SLF1: variants seen among roughly 807,000 people sequenced by gnomAD.
The protein encoded by SLF1 is SMC5/6 complex localization factor 1.
Under a neutral mutation model 123.0 loss-of-function variants are expected in SLF1, and 105 were observed. That is an observed-to-expected ratio of 0.85 (90% CI 0.73 to 1.00). The LOEUF is 1.00. SLF1 is among the 50% of genes least tolerant of loss of function. SLF1 has a pLI of 0.00. For synonymous variants in SLF1, 434 were observed against 406.6 expected, an observed-to-expected ratio of 1.07 and a Z score of -0.81; for missense variants, 1,239 against 1,223.0, an observed-to-expected ratio of 1.01 and a Z score of -0.20.
chr5:94,621,557 G>A (rs753443499), intron 1 of SLF1, among the ~76,000 whole-genome samples: 3 of 152,232 alleles, frequency 2.0e-5, no homozygotes, highest in Middle Eastern at 3.4e-3. Flanking sequence ...ATGGCTAACC[G>A]ATATCTACTG....
chr5:94,688,855 G>T (rs1309173493), intron 17 of SLF1, among the ~76,000 whole-genome samples, 186 bp downstream of exon 17: 1 of 152,136 alleles, frequency 6.6e-6, no homozygotes, highest in Non-Finnish European at 1.5e-5. Context: ...CTTTCTAAGT[G>T]CTTCCCAAAA....
chr5:94,621,957 T>C (rs1791835603), intron 1 of SLF1, among the ~76,000 whole-genome samples: 1 of 151,656 alleles, frequency 6.6e-6, no homozygotes, highest in Non-Finnish European at 1.5e-5. Context: ...GGGCAGGAAA[T>C]AGACACTGTG....
At chr5:94,629,025 A>T in intron 2 of SLF1, 67 bp from the exon 3 acceptor site, 1 of 1,423,072 alleles carries the variant, frequency 7.0e-7, no homozygotes, top group Non-Finnish European at 9.5e-7. Context: ...TTGTAGCAAT[A>T]AAAAGGATGT....
chr5:94,637,201 T>A (rs951794481), intron 4 of SLF1, among the ~76,000 whole-genome samples: 1 of 152,188 alleles, frequency 6.6e-6, no homozygotes. Flanking sequence ...CCAGGTGTTC[T>A]TTGGCAGGGA....
chr5:94,666,464 A>G (rs1302261485), intron 12 of SLF1, among the ~76,000 whole-genome samples: 1 of 152,200 alleles, frequency 6.6e-6, no homozygotes, highest in African/African-American at 2.4e-5. Flanking sequence ...AATATTTCCT[A>G]AATATGTCAT....
intron 1 of SLF1, among the ~76,000 whole-genome samples, chr5:94,628,154 A>G (rs530030489): frequency 1.3e-3 from 194 of 145,236 alleles, no homozygotes; most frequent in Non-Finnish European, 2.2e-3. Flanking sequence ...TTATTTGTTT[A>G]TTTATTTTTG....
chr5:94,686,507 A>T, intron 15 of SLF1, 66 bp from the exon 16 acceptor site: 1 of 1,538,388 alleles, frequency 6.5e-7, no homozygotes, highest in Non-Finnish European at 8.9e-7. Context: ...CACTAAGGAA[A>T]TAGCCTATGG....
intron 4 of SLF1, among the ~76,000 whole-genome samples, chr5:94,631,988 T>C (rs992242329): frequency 9.7e-5 from 9 of 92,380 alleles, no homozygotes; most frequent in Admixed American, 1.2e-4. Flanking sequence ...TTTTTTTTTT[T>C]CCAAATTAAA....
rs2152480163 is a variant in SLF1 at position 94,653,339 on chromosome 5, G to A, written c.950G>A (p.Gly317Glu). 6.6e-7 allele frequency: 1 copy of A among 1,525,822 alleles called. No homozygotes were observed. Among genetic ancestry groups the A allele is most frequent in the African/African-American group, 1.4e-5 (1 of 70,654 alleles). 94.5% of individuals were successfully genotyped at this position (1,525,822 alleles called of 1,614,324 possible). Residue 317 changes from glycine to glutamate, a missense_variant, in exon 8 of 21, where the codon GGA (glycine) becomes GAA (glutamate). Gly to Glu is a moderately conservative substitution (Grantham distance 98, BLOSUM62 -2). Transcript: ENST00000265140. Reference sequence around the variant, plus strand: ...ACTTTGAGGAGAAAACGCAAGAAAGGAAAAGAAAGCAATTGCAAGAAAGGC... The same window carrying A: ...ACTTTGAGGAGAAAACGCAAGAAAGAAAAAGAAAGCAATTGCAAGAAAGGC... ...SYTLRRKRKK[G>E]KESNCKKGVE...
At chr5:94,627,196 TTTCTTTAATTATTGAAA>T (rs1744543335) in intron 1 of SLF1, among the ~76,000 whole-genome samples, 1 of 152,220 alleles carries the variant, frequency 6.6e-6, no homozygotes, top group South Asian at 2.1e-4. Flanking sequence ...GAAGTCATTG[TTTCTTTAATTATTGAAA>T]ACAGCTACTG....
chr5:94,630,064 A>G (rs1451998809), intron 3 of SLF1, among the ~76,000 whole-genome samples: 1 of 152,238 alleles, frequency 6.6e-6, no homozygotes, highest in Non-Finnish European at 1.5e-5. Flanking sequence ...TAATGCCGTG[A>G]ACAATATTGG....
rs11338723 is a variant in SLF1 at position 94,653,854 on chromosome 5, C to CT, written c.1032+446dup. Among the ~76,000 whole-genome samples, 422 of 148,094 alleles carry CT rather than the reference C, an allele frequency of 2.8e-3. 1 individual carries two copies. The highest frequency in any genetic ancestry group is 8.4e-3 in the African/African-American group (340 of 40,390). ...TGGGTAAATTTTTTCTGGAGTATGA[C>CT]TTTTTTTTTTTTTAACGATCTAAAC... On this transcript the variant is annotated intron_variant, in intron 8 of 20. Coordinates refer to ENST00000265140, the MANE Select transcript of SLF1 (RefSeq NM_032290.4).
At chr5:94,627,550 A>AT (rs1170180161) in intron 1 of SLF1, among the ~76,000 whole-genome samples, 11 of 141,670 alleles carry the variant, frequency 7.8e-5, no homozygotes, top group African/African-American at 2.6e-4. Flanking sequence ...CCAAAAAGTG[A>AT]TTTTTTCAGT....
intron 4 of SLF1, among the ~76,000 whole-genome samples, chr5:94,637,660 G>C (rs1224608755): frequency 6.6e-6 from 1 of 152,082 alleles, no homozygotes; most frequent in Non-Finnish European, 1.5e-5. Context: ...GCTGAGCACT[G>C]TTTAAAGTTC....
intron 4 of SLF1, among the ~76,000 whole-genome samples, chr5:94,638,732 T>G (rs1746098188): frequency 1.3e-5 from 2 of 152,228 alleles, no homozygotes; most frequent in South Asian, 4.1e-4. Flanking sequence ...TTTTGCCCTC[T>G]CACAGTTTTT....
At chr5:94,660,834 C>G (rs1749015993) in intron 9 of SLF1, among the ~76,000 whole-genome samples, 1 of 152,186 alleles carries the variant, frequency 6.6e-6, no homozygotes, top group African/African-American at 2.4e-5. Flanking sequence ...AGGTGGCTCT[C>G]AGGATCTGAG....
intron 1 of SLF1, among the ~76,000 whole-genome samples, chr5:94,622,699 G>A (rs1449497579): frequency 6.6e-6 from 1 of 151,802 alleles, no homozygotes; most frequent in East Asian, 1.9e-4. Flanking sequence ...GTTATTTTGG[G>A]GGGAAAACTT....
intron 1 of SLF1, among the ~76,000 whole-genome samples, chr5:94,628,353 G>T (rs1477351899): frequency 6.6e-6 from 1 of 151,732 alleles, no homozygotes; most frequent in Non-Finnish European, 1.5e-5. Flanking sequence ...TGGCCAGGCT[G>T]GTCTAGATTT....
chr5:94,652,939 C>T (rs567263567), intron 7 of SLF1, among the ~76,000 whole-genome samples: 2 of 152,302 alleles, frequency 1.3e-5, no homozygotes, highest in South Asian at 4.1e-4. Context: ...CTCGCCACAA[C>T]CTCCGCCTTC....
Sources: gnomAD v4.1 joint callset for allele counts (sites outside exome capture counted in the v4.1 genomes callset) on GRCh38, gnomAD v4.1.1 for gene constraint, MANE v1.5 for transcripts, NCBI Gene and HGNC (gene_info 2026-07-23, HGNC 2026-07-21) for gene names.